The following MAST4 variants were observed in gnomAD, a reference collection of about 807,000 sequenced individuals.
MAST4 encodes microtubule associated serine/threonine kinase family member 4.
A neutral mutation model predicts 162.7 loss-of-function variants in MAST4; 89 were observed. The observed-to-expected ratio is 0.55, with a 90% CI of 0.46 to 0.65. The LOEUF is 0.65. Among genes scored for constraint, MAST4 ranks in the 30% least tolerant of loss-of-function variants. The pLI is 0.00. For missense variants in MAST4, 3,153 were observed against 3,374.0 expected, an observed-to-expected ratio of 0.93 and a Z score of 1.62; for synonymous variants, 1,479 against 1,361.1, an observed-to-expected ratio of 1.09 and a Z score of -1.91.
Position 66,847,612 on chromosome 5 carries a change from G to A in MAST4, c.643-52339G>A, listed in dbSNP as rs35794643. On this transcript the variant is annotated intron_variant, in intron 3 of 28. Coordinates refer to ENST00000403625, the MANE Select transcript of MAST4 (RefSeq NM_001164664.2). ...ATCATGCCACTGCATTCCAGCCTGGGTGACAGAGCGAGACTCCATCTCAAA... is the reference window on the plus strand; with the variant it reads ...ATCATGCCACTGCATTCCAGCCTGGATGACAGAGCGAGACTCCATCTCAAA... Among the ~76,000 whole-genome samples the A allele has an allele frequency of 7.5e-3, 1,143 of 152,042 alleles. 9 individuals carry two copies. Among genetic ancestry groups the A allele is most frequent in the South Asian group, 0.037 (180 of 4,814 alleles).
chr5:67,084,937 G>C (rs1023295602), intron 5 of MAST4, among the ~76,000 whole-genome samples: 1 of 152,130 alleles, frequency 6.6e-6, no homozygotes, highest in African/African-American at 2.4e-5. Flanking sequence ...AAATGTTTAG[G>C]TAGTCTAAAT....
chr5:66,900,035 T>C, intron 4 of MAST4, 53 bp downstream of exon 4: 1 of 1,257,776 alleles, frequency 8.0e-7, no homozygotes, highest in East Asian at 2.7e-5. Flanking sequence ...ATATAGTTTA[T>C]AGTATGATTC....
At chr5:66,685,327 A>C (rs9291874) in intron 1 of MAST4, among the ~76,000 whole-genome samples, 20,795 of 151,810 alleles carry the variant, frequency 0.14, 1,677 homozygotes, top group East Asian at 0.26. Flanking sequence ...AAAAACCCCC[A>C]AAAACCCCCA....
intron 6 of MAST4, among the ~76,000 whole-genome samples, chr5:67,090,449 TCTCCCC>T: frequency 2.4e-5 from 1 of 42,006 alleles, no homozygotes; most frequent in South Asian, 1.4e-3. Context: ...CCTCCCCGCT[TCTCCCC>T]CTCCCCGCTT....
intron 3 of MAST4, among the ~76,000 whole-genome samples, chr5:66,875,056 T>C (rs1040585182): frequency 6.6e-6 from 1 of 152,214 alleles, no homozygotes; most frequent in Non-Finnish European, 1.5e-5. Context: ...ACTAAGGGGA[T>C]AGGCTTTAAA....
At chr5:67,031,823 A>T (rs1755365588) in intron 4 of MAST4, among the ~76,000 whole-genome samples, 1 of 152,102 alleles carries the variant, frequency 6.6e-6, no homozygotes, top group Admixed American at 6.6e-5. Context: ...ATAGGTCAGG[A>T]TGGCAGTTCT....
At chr5:66,965,225 C>CTTTTTTTTTTTTTTTTTTTCT in intron 4 of MAST4, among the ~76,000 whole-genome samples, 1 of 84,902 alleles carries the variant, frequency 1.2e-5, no homozygotes, top group Non-Finnish European at 2.4e-5. Flanking sequence ...TTTTTTTTTG[C>CTTTTTTTTTTTTTTTTTTTCT]TTTTTTTTTT....
intron 4 of MAST4, among the ~76,000 whole-genome samples, chr5:66,926,616 A>G (rs945639926): frequency 6.6e-6 from 1 of 151,576 alleles, no homozygotes; most frequent in Non-Finnish European, 1.5e-5. Context: ...ATGTATATGT[A>G]TATATGTGTG....
At chr5:66,618,045 C>T (rs1041315058) in intron 1 of MAST4, among the ~76,000 whole-genome samples, 1 of 143,006 alleles carries the variant, frequency 7.0e-6, no homozygotes, top group Middle Eastern at 4.0e-3. Context: ...GGGGGGGGGC[C>T]CTGATTCTGT....
intron 17 of MAST4, among the ~76,000 whole-genome samples, chr5:67,133,851 C>G (rs1486242482): frequency 6.6e-6 from 1 of 152,134 alleles, no homozygotes; most frequent in Non-Finnish European, 1.5e-5. Context: ...CATTCCTCCC[C>G]CAACATTATG....
rs1315192703 is a variant in MAST4, at chr5:67,168,420, A to C, written c.*1369A>C. 6.6e-6 allele frequency: 1 copy of C among 152,032 alleles called. No homozygotes were observed. The highest frequency in any genetic ancestry group is 1.5e-5 in the Non-Finnish European group (1 of 68,008). The allele number at this position is 152,032 out of a possible 1,614,324, so 9.4% of individuals were successfully genotyped here. A position where few individuals can be genotyped will look rare whatever the true frequency, so the allele number is the denominator to read the frequency against. On this transcript the variant is annotated 3_prime_UTR_variant, in exon 29 of 29. Transcript: ENST00000403625. ...GTGCTTGAATGTGACCATCCTTTTT[A>C]CTTTTGCTAAGCCTTATTTAAATTT...
chr5:66,868,918 A>G (rs1173146773), intron 3 of MAST4, among the ~76,000 whole-genome samples: 2 of 152,204 alleles, frequency 1.3e-5, no homozygotes, highest in Non-Finnish European at 2.9e-5. Context: ...TGCCGAGTTC[A>G]TGGTACAATT....
At position 67,164,790 on chromosome 5, in the gene MAST4, C is replaced by G. The variant is rs772542870; in HGVS notation, c.5611C>G (p.Leu1871Val). The change falls in exon 29 of 29, where the codon CTG becomes GTG. Residue 1871 changes from leucine to valine, a missense_variant. Leu to Val is a conservative substitution (Grantham distance 32, BLOSUM62 1). This residue lies in a region of MAST4 where 1,644 missense variants were observed against 1,495.0 expected (regional missense o/e 1.10). Transcript: ENST00000403625. The surrounding 1 kb of genome is among the most constrained non-coding windows in gnomAD (Gnocchi z 5.3). ...CAGCTTAAAGATGAATAAATCCTAC[C>G]TGCTGGAGCCTTGGTTCCTGCCCCC... ...PSSLKMNKSY[L>V]LEPWFLPPSR... 6.2e-7 allele frequency: 1 copy of G among 1,613,998 alleles called. No individual in the cohort carries two copies. The highest frequency in any genetic ancestry group is 1.1e-5 in the South Asian group (1 of 91,084).
At position 67,075,976 on chromosome 5, in the gene MAST4, T is replaced by A. The variant is rs554934443; in HGVS notation, c.764-14186T>A. On this transcript the variant is annotated intron_variant, in intron 5 of 28. Transcript: ENST00000403625. ...CTGGGAAACTAGTCCAGGTGTAACA[T>A]TGCCCATGATTAATTGGTGATGTAC... Among the ~76,000 whole-genome samples, 17 of 152,288 alleles carry A rather than the reference T, an allele frequency of 1.1e-4. No homozygotes were observed. In the South Asian group the frequency reaches 3.5e-3, roughly 32 times the overall value.
At chr5:66,698,948 T>A (rs900414679) in intron 1 of MAST4, among the ~76,000 whole-genome samples, 2 of 152,212 alleles carry the variant, frequency 1.3e-5, no homozygotes, top group Non-Finnish European at 2.9e-5. Context: ...CTTCCACTTT[T>A]ACCTCCCTAT....
At chr5:67,023,199 G>C (rs941126307) in intron 4 of MAST4, among the ~76,000 whole-genome samples, 2 of 152,134 alleles carry the variant, frequency 1.3e-5, no homozygotes, top group Non-Finnish European at 2.9e-5. Context: ...ATATTCCATT[G>C]TATATATGTT....
chr5:66,794,614 A>T (rs927900303), intron 3 of MAST4, among the ~76,000 whole-genome samples: 1 of 152,186 alleles, frequency 6.6e-6, no homozygotes, highest in Admixed American at 6.5e-5. Context: ...ATGATGTGGG[A>T]GTAGCTTGTT....
At chr5:66,639,789 G>A (rs1428051435) in intron 1 of MAST4, among the ~76,000 whole-genome samples, 3 of 151,904 alleles carry the variant, frequency 2.0e-5, no homozygotes, top group Admixed American at 6.6e-5. Flanking sequence ...ATTTAAATCA[G>A]TATTATCAGT....
At chr5:67,027,406 C>A (rs372644050) in intron 4 of MAST4, among the ~76,000 whole-genome samples, 12 of 152,208 alleles carry the variant, frequency 7.9e-5, no homozygotes, top group African/African-American at 2.6e-4. Context: ...CGTAAATACA[C>A]GTTGTGCACA....
Sources: allele counts gnomAD v4.1 joint callset (sites outside exome capture counted in the v4.1 genomes callset), GRCh38; gene constraint gnomAD v4.1.1; regional missense constraint gnomAD v4.1.1; non-coding constraint Gnocchi (gnomAD v3.1); transcripts MANE v1.5; gene names NCBI Gene and HGNC (gene_info 2026-07-23, HGNC 2026-07-21).